The following SPTLC3 variants were observed in gnomAD, a reference collection of about 807,000 sequenced individuals.
The protein encoded by SPTLC3 is serine palmitoyltransferase 3.
SPTLC3 carries 36 observed loss-of-function variants against 59.3 expected under a neutral mutation model. That is an observed-to-expected ratio of 0.61 (90% CI 0.47 to 0.80). The LOEUF (loss-of-function observed/expected upper bound fraction) is 0.80. Among genes scored for constraint, SPTLC3 ranks in the 30% least tolerant of loss-of-function variants. The pLI, the probability that SPTLC3 is intolerant of heterozygous loss-of-function variation, is 0.00. For synonymous variants in SPTLC3, 257 were observed against 240.8 expected, an observed-to-expected ratio of 1.07 and a Z score of -0.62; for missense variants, 625 against 685.1, an observed-to-expected ratio of 0.91 and a Z score of 0.98.
Position 13,009,008 on chromosome 20 carries a change from A to T in SPTLC3, c.-260A>T. The T allele has an allele frequency of 2.8e-6, 1 of 360,444 alleles. No individual in the cohort carries two copies. The highest frequency in any genetic ancestry group is 5.9e-5 in the East Asian group (1 of 17,040). 22.3% of individuals were successfully genotyped at this position (360,444 alleles called of 1,614,324 possible). On this transcript the variant is annotated 5_prime_UTR_variant, in exon 1 of 12. Coordinates refer to ENST00000399002, the MANE Select transcript of SPTLC3 (RefSeq NM_018327.4). Reference sequence around the variant, plus strand: ...GGAGCCAGCATGGACAATCTCCTTTACAGTTTCGGAAGCAGGTTTGTTGCC... The same window carrying T: ...GGAGCCAGCATGGACAATCTCCTTTTCAGTTTCGGAAGCAGGTTTGTTGCC...
chr20:13,079,247 G>A (rs1334218380), intron 4 of SPTLC3, among the ~76,000 whole-genome samples: 2 of 152,152 alleles, frequency 1.3e-5, no homozygotes, highest in Non-Finnish European at 2.9e-5. Context: ...GGGTAGAGGT[G>A]GGTGGGTAGA....
intron 1 of SPTLC3, among the ~76,000 whole-genome samples, chr20:13,016,931 G>A (rs1236396480): frequency 6.6e-6 from 1 of 152,142 alleles, no homozygotes; most frequent in Non-Finnish European, 1.5e-5. Flanking sequence ...TTTTATAGGT[G>A]AGGAAACAGA....
chr20:13,092,436 C>G (rs1989257715), intron 5 of SPTLC3, among the ~76,000 whole-genome samples: 1 of 152,084 alleles, frequency 6.6e-6, no homozygotes, highest in African/African-American at 2.4e-5. Context: ...GGATTTTGCA[C>G]CAAACAACAT....
At chr20:13,020,564 T>C (rs993554979) in intron 1 of SPTLC3, among the ~76,000 whole-genome samples, 3 of 152,098 alleles carry the variant, frequency 2.0e-5, no homozygotes, top group Non-Finnish European at 4.4e-5. Context: ...TTGCATTTTA[T>C]TACATAATAT....
chr20:13,088,093 C>T (rs559962961), intron 4 of SPTLC3, among the ~76,000 whole-genome samples: 1 of 152,318 alleles, frequency 6.6e-6, no homozygotes, highest in East Asian at 1.9e-4. Flanking sequence ...TTGGCCTTTT[C>T]ACTGTCTGTT....
At chr20:13,030,659 T>C (rs1405898118) in intron 1 of SPTLC3, among the ~76,000 whole-genome samples, 2 of 152,168 alleles carry the variant, frequency 1.3e-5, no homozygotes, top group African/African-American at 4.8e-5. Flanking sequence ...ACTGGGGTAC[T>C]ACTAGCAATG....
intron 2 of SPTLC3, among the ~76,000 whole-genome samples, chr20:13,066,139 C>T (rs1988200183): frequency 6.6e-6 from 1 of 152,262 alleles, no homozygotes; most frequent in Non-Finnish European, 1.5e-5. Context: ...TTTTAGATTT[C>T]ACACGTAAGT....
chr20:13,039,835 G>T (rs556533042), intron 1 of SPTLC3, among the ~76,000 whole-genome samples: 1 of 151,670 alleles, frequency 6.6e-6, no homozygotes, highest in Non-Finnish European at 1.5e-5. Context: ...AAAATCAACC[G>T]CAAATTTATA....
intron 9 of SPTLC3, among the ~76,000 whole-genome samples, chr20:13,128,972 G>T (rs1377166469): frequency 6.6e-6 from 1 of 151,204 alleles, no homozygotes; most frequent in Non-Finnish European, 1.5e-5. Flanking sequence ...CGCCTCCTGG[G>T]TTCAAGCAAT....
At chr20:13,049,360 TTTCCCATACC>T (rs1568577976) in intron 2 of SPTLC3, 1 of 455,110 alleles carries the variant, frequency 2.2e-6, no homozygotes, top group Non-Finnish European at 4.0e-6. Flanking sequence ...AACTAAGGCT[TTTCCCATACC>T]TTGTAATATT....
At chr20:13,125,165 C>A (rs777145067) in intron 8 of SPTLC3, among the ~76,000 whole-genome samples, 2 of 152,142 alleles carry the variant, frequency 1.3e-5, no homozygotes, top group Non-Finnish European at 2.9e-5. Flanking sequence ...AGCTCTGAGG[C>A]CCTCACCACT....
intron 9 of SPTLC3, among the ~76,000 whole-genome samples, chr20:13,133,279 T>G (rs539237253): frequency 6.6e-6 from 1 of 152,330 alleles, no homozygotes; most frequent in East Asian, 1.9e-4. Flanking sequence ...CCCAGAGATT[T>G]CTGCATGACA....
At chr20:13,058,734 G>A (rs1987829878) in intron 2 of SPTLC3, among the ~76,000 whole-genome samples, 1 of 152,166 alleles carries the variant, frequency 6.6e-6, no homozygotes, top group African/African-American at 2.4e-5. Context: ...TGCTTCAATG[G>A]TTTTGGGTGG....
intron 8 of SPTLC3, among the ~76,000 whole-genome samples, chr20:13,120,014 T>C (rs1990814170): frequency 6.6e-6 from 1 of 152,254 alleles, no homozygotes; most frequent in Non-Finnish European, 1.5e-5. Flanking sequence ...TTTTTAATTA[T>C]GTTAAGTTTC....
rs1228090597 is a variant in SPTLC3 at position 13,091,130 on chromosome 20, C to T, written c.655C>T (p.Leu219=). 1 of 1,613,896 alleles carries T rather than the reference C, an allele frequency of 6.2e-7. No individual in the cohort carries two copies. Among genetic ancestry groups the T allele is most frequent in the Non-Finnish European group, 8.5e-7 (1 of 1,179,926 alleles). ...GTTGGAGGACCTTGTGGCTAAGTTC[C>T]TGAATGTGGAAGCAGCTATGGTCTT... is the stretch of plus-strand genomic sequence containing the variant. The part of the protein sequence containing the change: ...KELEDLVAKF[L]NVEAAMVFGM... The change falls in exon 5 of 12, where the codon CTG becomes TTG. Residue 219 remains leucine (L), a synonymous_variant. Coordinates refer to ENST00000399002, the MANE Select transcript of SPTLC3 (RefSeq NM_018327.4).
At chr20:13,049,265 TC>T in intron 2 of SPTLC3, 135 bp downstream of exon 2, 1 of 982,172 alleles carries the variant, frequency 1.0e-6, no homozygotes, top group Non-Finnish European at 1.6e-6. Context: ...TTCATTCATC[TC>T]CACCTCCTAA....
At chr20:13,134,669 A>G (rs2038201784) in intron 9 of SPTLC3, among the ~76,000 whole-genome samples, 1 of 152,198 alleles carries the variant, frequency 6.6e-6, no homozygotes, top group East Asian at 1.9e-4. Flanking sequence ...CCATGTTTCT[A>G]CGTAACAGAA....
intron 7 of SPTLC3, among the ~76,000 whole-genome samples, chr20:13,112,781 C>T (rs2122715641): frequency 6.6e-6 from 1 of 152,290 alleles, no homozygotes; most frequent in African/African-American, 2.4e-5. Context: ...TTGGGGGCTT[C>T]AATTTCCTCA....
chr20:13,143,821 T>A (rs1284536553), intron 9 of SPTLC3, among the ~76,000 whole-genome samples: 3 of 152,224 alleles, frequency 2.0e-5, no homozygotes, highest in African/African-American at 7.2e-5. Context: ...CTAGTATCTG[T>A]CTTTTGCCAA....
Sources: gnomAD v4.1 joint callset for allele counts (sites outside exome capture counted in the v4.1 genomes callset) on GRCh38, gnomAD v4.1.1 for gene constraint, MANE v1.5 for transcripts, NCBI Gene and HGNC (gene_info 2026-07-23, HGNC 2026-07-21) for gene names.